Variants in CPA6 observed in about 807,000 individuals in gnomAD.
CPA6 encodes the protein carboxypeptidase B.
Under a neutral mutation model 63.3 loss-of-function variants are expected in CPA6, and 58 were observed. That is an observed-to-expected ratio of 0.92 (90% CI 0.74 to 1.14). The LOEUF is 1.14. Ranked by LOEUF, CPA6 falls within the 50% of genes most tolerant of loss-of-function variation. The pLI, the probability that CPA6 is intolerant of heterozygous loss-of-function variation, is 0.00. For synonymous variants in CPA6, 185 were observed against 179.0 expected (o/e 1.03, Z -0.27); for missense variants, 565 against 526.6 (o/e 1.07, Z -0.71).
At chr8:67,467,637 G>C (rs890023093) in intron 8 of CPA6, among the ~76,000 whole-genome samples, 6 of 152,076 alleles carry the variant, frequency 3.9e-5, no homozygotes, top group African/African-American at 1.4e-4. Context: ...TGGTCCTGCT[G>C]TAGTTTCCTA....
In CPA6 at chr8:67,607,237, CTT is replaced by C. The variant is rs1564021451; in HGVS notation, c.192+16937_192+16938del. Among the ~76,000 whole-genome samples, 32 of 116,806 alleles carry C rather than the reference CTT, an allele frequency of 2.7e-4. 4 individuals are homozygous for C. Among genetic ancestry groups the C allele is most frequent in the African/African-American group, 7.0e-4 (21 of 29,958 alleles). The allele number at this position is 116,806 out of a possible 152,430, so 76.6% of individuals were successfully genotyped here. On this transcript the variant is annotated intron_variant, in intron 2 of 10. Coordinates refer to ENST00000297770, the MANE Select transcript of CPA6 (RefSeq NM_020361.5). ...TCTTCTTCTTCTTCTTCTTCTTCTT[CTT>C]CTTCTTCTTCTTCTCCTCCTCCTCC...
chr8:67,519,710 G>T (rs563726062), intron 2 of CPA6, among the ~76,000 whole-genome samples: 2 of 152,262 alleles, frequency 1.3e-5, no homozygotes, highest in African/African-American at 2.4e-5. Flanking sequence ...TGGAAGGGAT[G>T]CTGAGAGGTC....
chr8:67,708,159 T>C (rs1262310729), intron 1 of CPA6, among the ~76,000 whole-genome samples: 1 of 152,152 alleles, frequency 6.6e-6, no homozygotes, highest in Non-Finnish European at 1.5e-5. Flanking sequence ...CTTTAAAAAG[T>C]CTTATGTGAG....
intron 2 of CPA6, among the ~76,000 whole-genome samples, chr8:67,591,568 G>A (rs1010017417): frequency 6.6e-6 from 1 of 152,146 alleles, no homozygotes; most frequent in African/African-American, 2.4e-5. Flanking sequence ...TCATTGAGCA[G>A]TGGTTTGTAG....
At chr8:67,694,070 T>C (rs1462775024) in intron 1 of CPA6, among the ~76,000 whole-genome samples, 1 of 152,210 alleles carries the variant, frequency 6.6e-6, no homozygotes, top group Non-Finnish European at 1.5e-5. Context: ...ATATTCTTCA[T>C]TTGGGTGTAT....
chr8:67,453,765 A>T (rs1810609519), intron 8 of CPA6, among the ~76,000 whole-genome samples: 1 of 152,242 alleles, frequency 6.6e-6, no homozygotes, highest in African/African-American at 2.4e-5. Context: ...GCATTTGTCA[A>T]AAACTTAGTA....
At chr8:67,423,340 C>T (rs552541833) in intron 10 of CPA6, among the ~76,000 whole-genome samples, 1 of 152,382 alleles carries the variant, frequency 6.6e-6, no homozygotes, top group Non-Finnish European at 1.5e-5. Context: ...CCGCCTTGGC[C>T]TCCCAAAGTG....
In CPA6 at chr8:67,488,137, T is replaced by C. The variant is rs572781043; in HGVS notation, c.637-3348A>G. ...CATGAAGTCCTTGCCCATGCCTATGTCCTGAATGGTATTGCCTAGGTTTTC... is the reference window on the plus strand; with the variant it reads ...CATGAAGTCCTTGCCCATGCCTATGCCCTGAATGGTATTGCCTAGGTTTTC... On this transcript the variant is annotated intron_variant, in intron 6 of 10. Transcript: ENST00000297770. Among the ~76,000 whole-genome samples, 4 of 152,338 alleles carry C rather than the reference T, an allele frequency of 2.6e-5. No individual in the cohort carries two copies. In the East Asian group the frequency reaches 7.7e-4, roughly 29 times the overall value.
intron 1 of CPA6, among the ~76,000 whole-genome samples, chr8:67,708,262 G>C (rs1009939199): frequency 6.6e-6 from 1 of 152,168 alleles, no homozygotes; most frequent in Non-Finnish European, 1.5e-5. Flanking sequence ...CAAATAATCA[G>C]GCGAAGGTTC....
At chr8:67,517,712 G>A (rs988832115) in intron 3 of CPA6, among the ~76,000 whole-genome samples, 2 of 152,148 alleles carry the variant, frequency 1.3e-5, no homozygotes, top group African/African-American at 4.8e-5. Context: ...TGGTAACAGT[G>A]AATAGTGAAA....
intron 1 of CPA6, among the ~76,000 whole-genome samples, chr8:67,632,339 TA>T (rs1815359974): frequency 6.6e-6 from 1 of 151,538 alleles, no homozygotes; most frequent in South Asian, 2.1e-4. Flanking sequence ...CCCAGCTAAT[TA>T]AAAACTTTTT....
chr8:67,618,032 C>T (rs996711599), intron 2 of CPA6, among the ~76,000 whole-genome samples: 1 of 152,196 alleles, frequency 6.6e-6, no homozygotes, highest in East Asian at 1.9e-4. Context: ...ATCAGACCCA[C>T]CTTGGCAATC....
chr8:67,578,167 CT>C (rs1446690813), intron 2 of CPA6, among the ~76,000 whole-genome samples: 1 of 152,086 alleles, frequency 6.6e-6, no homozygotes, highest in African/African-American at 2.4e-5. Context: ...GTTTACTGAC[CT>C]TTGTTCTAAA....
At chr8:67,737,644 C>T (rs1463722404) in intron 1 of CPA6, among the ~76,000 whole-genome samples, 1 of 152,232 alleles carries the variant, frequency 6.6e-6, no homozygotes, top group African/African-American at 2.4e-5. Flanking sequence ...TGCACATGGG[C>T]TGCTCTTTCA....
intron 8 of CPA6, among the ~76,000 whole-genome samples, chr8:67,447,625 A>G (rs1028538630): frequency 3.3e-5 from 5 of 152,046 alleles, no homozygotes; most frequent in African/African-American, 1.2e-4. Context: ...ATTTTCATAG[A>G]TTTTTTGCCA....
chr8:67,634,984 C>T (rs1363820689), intron 1 of CPA6, among the ~76,000 whole-genome samples: 2 of 151,324 alleles, frequency 1.3e-5, no homozygotes, highest in Non-Finnish European at 2.9e-5. Context: ...ACCTCTCAGG[C>T]TCAAGCATCC....
chr8:67,497,630 A>G (rs1008173829), intron 6 of CPA6, among the ~76,000 whole-genome samples: 7 of 151,820 alleles, frequency 4.6e-5, no homozygotes, highest in African/African-American at 7.3e-5. Flanking sequence ...TAGTAACTCT[A>G]TGTTTAACTT....
intron 1 of CPA6, among the ~76,000 whole-genome samples, chr8:67,690,036 A>AT (rs563713844): frequency 2.1e-5 from 3 of 140,816 alleles, no homozygotes; most frequent in South Asian, 2.5e-4. Flanking sequence ...AATGATAATG[A>AT]ATTTTTTTAT....
intron 2 of CPA6, among the ~76,000 whole-genome samples, chr8:67,574,751 T>C (rs1016155979): frequency 1.3e-5 from 2 of 151,652 alleles, no homozygotes; most frequent in African/African-American, 4.8e-5. Flanking sequence ...AAATGGATTA[T>C]AGATTTAAAC....
Sources: allele counts gnomAD v4.1 joint callset (sites outside exome capture counted in the v4.1 genomes callset), GRCh38; gene constraint gnomAD v4.1.1; transcripts MANE v1.5; gene names NCBI Gene and HGNC (gene_info 2026-07-23, HGNC 2026-07-21).